SSBP3: variants seen among roughly 807,000 people sequenced by gnomAD.
SSBP3 encodes single stranded DNA binding protein 3.
Under a neutral mutation model 69.6 loss-of-function variants are expected in SSBP3, and 5 were observed. The observed-to-expected ratio is 0.07, with a 90% confidence interval of 0.04 to 0.15. The LOEUF is 0.15. Ranked by LOEUF, SSBP3 falls within the 10% of genes least tolerant of loss-of-function variation. The pLI is 1.00. For synonymous variants in SSBP3, 196 were observed against 193.4 expected (o/e 1.01, Z -0.11); for missense variants, 312 against 534.0 (o/e 0.58, Z 4.10).
chr1:54,227,435 CCTGT>C (rs1011356492), intron 17 of SSBP3, among the ~76,000 whole-genome samples: 37 of 152,198 alleles, frequency 2.4e-4, no homozygotes, highest in Admixed American at 2.3e-3. Flanking sequence ...TGCTCCTGCC[CCTGT>C]CTGAGTCATC....
chr1:54,253,187 TTTTTG>T (rs1411416394), intron 7 of SSBP3, among the ~76,000 whole-genome samples: 2,060 of 118,258 alleles, frequency 0.017, 77 homozygotes, highest in African/African-American at 0.079. Context: ...TTTTTTTTAG[TTTTTG>T]TTTTTTTTTT....
chr1:54,249,163 CA>C (rs1644783343), intron 9 of SSBP3, among the ~76,000 whole-genome samples: 1 of 152,180 alleles, frequency 6.6e-6, no homozygotes, highest in African/African-American at 2.4e-5. Flanking sequence ...CCTGAACTGC[CA>C]GCACACCCTG....
intron 4 of SSBP3, among the ~76,000 whole-genome samples, chr1:54,329,364 C>T (rs1391681804): frequency 6.6e-6 from 1 of 152,206 alleles, no homozygotes; most frequent in Non-Finnish European, 1.5e-5. Flanking sequence ...TTTTTAAAGG[C>T]ATGTTAGATC....
intron 4 of SSBP3, among the ~76,000 whole-genome samples, chr1:54,294,191 GAAAAGAA>G (rs1405903770): frequency 8.6e-6 from 1 of 115,762 alleles, no homozygotes; most frequent in Non-Finnish European, 1.9e-5. Context: ...AAGAAAGAAA[GAAAAGAA>G]AAAAGAAATC....
rs1644963504 is a variant in SSBP3, at chr1:54,258,568, A to G, written c.367-419T>C. 6.6e-6 allele frequency among the ~76,000 whole-genome samples: 1 copy of G among 152,128 alleles called. No individual in the cohort carries two copies. The highest frequency in any genetic ancestry group is 1.5e-5 in the Non-Finnish European group (1 of 68,032). On this transcript the variant is annotated intron_variant, in intron 5 of 17. Coordinates refer to ENST00000610401, the Ensembl canonical transcript of SSBP3. This position sits in a 1 kb window ranked among gnomAD's most constrained non-coding sequence, Gnocchi z 4.5. ...GGTGCCGCTTGCACGGGAGGTGGGG[A>G]AAGATCGGGAAGGGCCCTGCCCTCA...
chr1:54,377,996 A>G (rs928071398), intron 4 of SSBP3, among the ~76,000 whole-genome samples: 1 of 152,132 alleles, frequency 6.6e-6, no homozygotes, highest in African/African-American at 2.4e-5. Flanking sequence ...GATTCACCAC[A>G]ATTCTGCTCG....
At chr1:54,409,182 G>A (rs1486702851), upstream of SSBP3, among the ~76,000 whole-genome samples, 1 of 152,118 alleles carries the variant, frequency 6.6e-6, no homozygotes, top group Admixed American at 6.5e-5. Context: ...CTGTCTTCCT[G>A]GAATGCTTCC....
intron 4 of SSBP3, among the ~76,000 whole-genome samples, chr1:54,367,679 G>A (rs1193922086): frequency 6.6e-6 from 1 of 152,158 alleles, no homozygotes; most frequent in Non-Finnish European, 1.5e-5. Context: ...CCTCTGCGGC[G>A]GGTCCCCACC....
chr1:54,232,739 C>T lies in SSBP3; in HGVS notation c.928-3913G>A, dbSNP rs375669900. Among the ~76,000 whole-genome samples, 117 of 151,872 alleles carry T rather than the reference C, an allele frequency of 7.7e-4. No homozygotes were observed. In the East Asian group the frequency reaches 0.015, roughly 20 times the overall value. On this transcript the variant is annotated intron_variant, in intron 14 of 17. Coordinates refer to ENST00000610401, the Ensembl canonical transcript of SSBP3. ...TGCCGAGTGCCTGCGATTGCAGGCA[C>T]GCGCCGCCACGCCTGACTGGTTTTG...
At chr1:54,228,190 C>A in intron 17 of SSBP3, 65 bp downstream of exon 17, 2 of 1,482,178 alleles carry the variant, frequency 1.3e-6, no homozygotes, top group Non-Finnish European at 1.9e-6. Context: ...CCGTAGCTCG[C>A]AACTTGTTAG....
At chr1:54,292,512 C>T (rs192729616) in intron 4 of SSBP3, among the ~76,000 whole-genome samples, 25 of 152,264 alleles carry the variant, frequency 1.6e-4, no homozygotes, top group Non-Finnish European at 2.5e-4. Context: ...CATGTCAGTT[C>T]CCCCAAGAAC....
At chr1:54,371,848 C>CT (rs2100681935) in intron 4 of SSBP3, among the ~76,000 whole-genome samples, 1 of 152,240 alleles carries the variant, frequency 6.6e-6, no homozygotes, top group South Asian at 2.1e-4. Context: ...AAACACCTTT[C>CT]TACCCTGCAA....
At chr1:54,282,151 C>A (rs566024306) in intron 4 of SSBP3, among the ~76,000 whole-genome samples, 1 of 152,174 alleles carries the variant, frequency 6.6e-6, no homozygotes, top group Non-Finnish European at 1.5e-5. Context: ...GTACTTCCTG[C>A]GGTGCAGAGC....
chr1:54,335,640 C>T (rs1313692839), intron 4 of SSBP3, among the ~76,000 whole-genome samples: 1 of 152,106 alleles, frequency 6.6e-6, no homozygotes, highest in East Asian at 1.9e-4. Flanking sequence ...CCAAACACAT[C>T]GATTCAAGGA....
chr1:54,410,697 A>C (rs1649965033), upstream of SSBP3, among the ~76,000 whole-genome samples: 1 of 152,242 alleles, frequency 6.6e-6, no homozygotes, highest in South Asian at 2.1e-4. Context: ...CCTTGCTGGC[A>C]GACTTTGGGC....
chr1:54,375,889 GCC>G (rs1647214701), intron 4 of SSBP3, among the ~76,000 whole-genome samples: 1 of 152,194 alleles, frequency 6.6e-6, no homozygotes, highest in Non-Finnish European at 1.5e-5. Flanking sequence ...GCCATCCGCT[GCC>G]CAGGGGGGCC....
intron 4 of SSBP3, among the ~76,000 whole-genome samples, chr1:54,324,862 G>A (rs537312241): frequency 8.5e-5 from 13 of 152,258 alleles, no homozygotes; most frequent in African/African-American, 3.1e-4. Context: ...TCTGGAGGGT[G>A]GTTTTCAAGA....
upstream of SSBP3, among the ~76,000 whole-genome samples, chr1:54,407,594 A>G (rs1649864969): frequency 6.6e-6 from 1 of 152,060 alleles, no homozygotes; most frequent in African/African-American, 2.4e-5. Flanking sequence ...CCCCATTTTC[A>G]GACTGTTTTT....
chr1:54,276,924 C>T (rs944420094), intron 5 of SSBP3, among the ~76,000 whole-genome samples: 1 of 152,140 alleles, frequency 6.6e-6, no homozygotes, highest in African/African-American at 2.4e-5. Flanking sequence ...GGAATGCCCT[C>T]CTGATTTCTC....
Sources: allele counts gnomAD v4.1 joint callset (sites outside exome capture counted in the v4.1 genomes callset), GRCh38; gene constraint gnomAD v4.1.1; non-coding constraint Gnocchi (gnomAD v3.1); transcripts MANE v1.5; gene names NCBI Gene and HGNC (gene_info 2026-07-23, HGNC 2026-07-21).